The following GSE1 variants were observed in gnomAD, a reference collection of about 807,000 sequenced individuals.
GSE1 encodes Gse1 coiled-coil protein.
In GSE1, 32 loss-of-function variants were observed where a neutral mutation model predicts 112.6. That is an observed-to-expected ratio of 0.28 (90% CI 0.21 to 0.38). The LOEUF (loss-of-function observed/expected upper bound fraction) is 0.38. Among genes scored for constraint, GSE1 ranks in the 10% least tolerant of loss-of-function variants. The pLI is 1.00. For synonymous variants in GSE1, 1,115 were observed against 735.6 expected (o/e 1.52, Z -8.35); for missense variants, 2,348 against 1,699.2 (o/e 1.38, Z -6.71).
intron 1 of GSE1, among the ~76,000 whole-genome samples, chr16:85,585,107 G>A (rs541352981): frequency 8.5e-5 from 13 of 152,230 alleles, no homozygotes; most frequent in Middle Eastern, 3.2e-3. Flanking sequence ...AAAAAAAGGC[G>A]TGATCAGCTG....
At chr16:85,637,595 G>A (rs548490342) in intron 2 of GSE1, among the ~76,000 whole-genome samples, 2 of 152,226 alleles carry the variant, frequency 1.3e-5, no homozygotes, top group South Asian at 4.1e-4. Context: ...CGGGCTCGCT[G>A]TGCTTCTCAC....
At chr16:85,429,187 G>A (rs531915966) in intron 2 of GSE1, among the ~76,000 whole-genome samples, 47 of 152,280 alleles carry the variant, frequency 3.1e-4, no homozygotes, top group Admixed American at 2.9e-3. Flanking sequence ...GGGCATGCAC[G>A]CCTTCTCAGG....
chr16:85,623,618 G>C (rs1368362556), intron 1 of GSE1, among the ~76,000 whole-genome samples: 1 of 152,206 alleles, frequency 6.6e-6, no homozygotes, highest in African/African-American at 2.4e-5. Flanking sequence ...GGCTGAGTGG[G>C]ATGTGAGGAC....
chr16:85,436,762 C>T (rs1321561275), intron 2 of GSE1, among the ~76,000 whole-genome samples: 1 of 152,226 alleles, frequency 6.6e-6, no homozygotes, highest in Non-Finnish European at 1.5e-5. Flanking sequence ...TCCCCGCTGG[C>T]CAGGTGCCTG....
intron 1 of GSE1, among the ~76,000 whole-genome samples, chr16:85,618,915 C>G (rs1264726856): frequency 1.3e-5 from 2 of 152,264 alleles, no homozygotes; most frequent in East Asian, 3.8e-4. Flanking sequence ...CCTTCCGTCT[C>G]AGCCTCCCAA....
chr16:85,612,950 G>T (rs370216064), upstream of GSE1, among the ~76,000 whole-genome samples: 167 of 152,328 alleles, frequency 1.1e-3, 1 homozygote, highest in African/African-American at 3.7e-3. Context: ...TAGCCACCAA[G>T]GTCCCCGGGA....
intron 1 of GSE1, among the ~76,000 whole-genome samples, chr16:85,344,852 C>G (rs2046700315): frequency 1.3e-5 from 2 of 152,304 alleles, no homozygotes; most frequent in South Asian, 2.1e-4. Context: ...GACAAGCTGG[C>G]TGGTGCCATG....
In GSE1 at chr16:85,407,995, AG is replaced by A. The variant is rs1459662484; in HGVS notation, c.2464+50355del. Among the ~76,000 whole-genome samples the A allele has an allele frequency of 2.8e-4, 14 of 49,838 alleles. 3 individuals carry two copies. The highest frequency in any genetic ancestry group is 1.1e-3 in the South Asian group (1 of 914). 32.7% of individuals were successfully genotyped at this position (49,838 alleles called of 152,430 possible). On this transcript the variant is annotated intron_variant, in intron 2 of 2. Transcript: ENST00000637419. ...TCTGATAATCCTCACTGTTACACTC[AG>A]GGCCCCCTGGATAATCCTCACTGTT... is the stretch of plus-strand genomic sequence containing the variant.
chr16:85,496,418 C>T (rs942979038), intron 2 of GSE1, among the ~76,000 whole-genome samples: 5 of 152,198 alleles, frequency 3.3e-5, no homozygotes, highest in African/African-American at 1.2e-4. Flanking sequence ...GCGATAAGCA[C>T]TGAGTGGAAG....
intron 2 of GSE1, among the ~76,000 whole-genome samples, chr16:85,400,037 G>A (rs2048059828): frequency 6.6e-6 from 1 of 152,202 alleles, no homozygotes; most frequent in African/African-American, 2.4e-5. Context: ...CAAACACAGG[G>A]GCCTCCTGCA....
intron 1 of GSE1, among the ~76,000 whole-genome samples, chr16:85,589,303 C>T (rs1452896221): frequency 2.0e-5 from 3 of 152,142 alleles, no homozygotes; most frequent in African/African-American, 7.2e-5. Context: ...CGGGCAGGGC[C>T]CTGTTTCTCA....
At chr16:85,507,255 C>G (rs12596016) in intron 2 of GSE1, among the ~76,000 whole-genome samples, 18 of 152,138 alleles carry the variant, frequency 1.2e-4, no homozygotes, top group African/African-American at 4.3e-4. Flanking sequence ...CTCATAAATC[C>G]CTCTGCAGAG....
chr16:85,182,787 G>A (rs1227535792), intron 1 of GSE1, among the ~76,000 whole-genome samples: 1 of 152,016 alleles, frequency 6.6e-6, no homozygotes, highest in East Asian at 1.9e-4. Context: ...GATTGTTGAC[G>A]GCTGCATGAG....
chr16:85,654,248 C>T, intron 3 of GSE1, 30 bp from the exon 4 acceptor site: 2 of 1,564,080 alleles, frequency 1.3e-6, no homozygotes, highest in Non-Finnish European at 1.7e-6. Flanking sequence ...TACCAGGCTC[C>T]TGCCCTGACT....
At chr16:85,398,018 A>G (rs2048008362) in intron 2 of GSE1, among the ~76,000 whole-genome samples, 1 of 152,130 alleles carries the variant, frequency 6.6e-6, no homozygotes, top group Non-Finnish European at 1.5e-5. Flanking sequence ...ACCTTGGTGT[A>G]TTCTCAGAGC....
intron 1 of GSE1, among the ~76,000 whole-genome samples, chr16:85,345,795 G>A (rs928787245): frequency 6.6e-6 from 1 of 152,228 alleles, no homozygotes; most frequent in Non-Finnish European, 1.5e-5. Context: ...CTACATCCCA[G>A]GCACAGAGCC....
chr16:85,613,177 C>G, upstream of GSE1: 1 of 1,396,050 alleles, frequency 7.2e-7, no homozygotes, highest in Non-Finnish European at 9.3e-7. Context: ...CGGGAGCGAG[C>G]CAGTGGCCCG....
chr16:85,379,979 G>GCAAGCA (rs2047510347), intron 2 of GSE1, among the ~76,000 whole-genome samples: 2 of 152,252 alleles, frequency 1.3e-5, no homozygotes, highest in Non-Finnish European at 1.5e-5. Context: ...GCCAAGCATG[G>GCAAGCA]TGGGCAAAGG....
chr16:85,672,270 C>T (rs578100842), intron 15 of GSE1, 135 bp from the exon 16 acceptor site: 2 of 668,932 alleles, frequency 3.0e-6, no homozygotes, highest in Admixed American at 4.7e-5. Context: ...GCTGGGATTA[C>T]AGGCGTGAGC....
Sources: allele counts gnomAD v4.1 joint callset (sites outside exome capture counted in the v4.1 genomes callset), GRCh38; gene constraint gnomAD v4.1.1; transcripts MANE v1.5; gene names NCBI Gene and HGNC (gene_info 2026-07-23, HGNC 2026-07-21).